Variants in UBA2 observed in about 807,000 individuals in gnomAD.
The protein encoded by UBA2 is ubiquitin like modifier activating enzyme 2.
A neutral mutation model predicts 77.2 loss-of-function variants in UBA2; 11 were observed. The observed-to-expected ratio is 0.14, with a 90% CI of 0.09 to 0.24. UBA2 has a LOEUF of 0.24. Among genes scored for constraint, UBA2 ranks in the 10% least tolerant of loss-of-function variants. The probability of loss-of-function intolerance (pLI) is 1.00; values close to 1 mark genes in which losing one functional copy is unlikely to be tolerated. For synonymous variants in UBA2, 278 were observed against 276.7 expected, an observed-to-expected ratio of 1.00 and a Z score of -0.05; for missense variants, 487 against 781.7, an observed-to-expected ratio of 0.62 and a Z score of 4.50.
At chr19:34,458,610 G>T in intron 12 of UBA2, 159 bp from the exon 13 acceptor site, 1 of 372,686 alleles carries the variant, frequency 2.7e-6, no homozygotes, top group Non-Finnish European at 4.8e-6. Context: ...GAAAAACCAG[G>T]TTCCTAAAAA....
rs1191303451 is a variant in UBA2, at chr19:34,443,902, G to A, written c.640G>A (p.Glu214Lys). ...AGTATCTCCTGACAGAGCTGACCCTGAAGCTGCCTGTGAGTAAATTATTTG... is the reference window on the plus strand; with the variant it reads ...AGTATCTCCTGACAGAGCTGACCCTAAAGCTGCCTGTGAGTAAATTATTTG... ...QEVSPDRADPEAAWEPTEAEA... is the reference protein window; with the variant it reads ...QEVSPDRADPKAAWEPTEAEA... The change falls in exon 7 of 17, where the codon GAA (glutamate) becomes AAA (lysine). Residue 214 changes from glutamate (E) to lysine (K), a missense_variant. By Grantham distance (56) the Glu-to-Lys change is moderately conservative. Coordinates refer to ENST00000246548, the MANE Select transcript of UBA2 (RefSeq NM_005499.3). 1 of 1,605,578 alleles carries A rather than the reference G, an allele frequency of 6.2e-7. No homozygotes were observed.
intron 8 of UBA2, among the ~76,000 whole-genome samples, chr19:34,445,405 T>TAA (rs2075417499): frequency 6.6e-6 from 1 of 151,796 alleles, no homozygotes; most frequent in Non-Finnish European, 1.5e-5. Context: ...TTACAGAACT[T>TAA]CTTCGTTTTC....
intron 6 of UBA2, among the ~76,000 whole-genome samples, chr19:34,443,082 A>G (rs1568372633): frequency 6.6e-6 from 1 of 152,252 alleles, no homozygotes; most frequent in Non-Finnish European, 1.5e-5. Flanking sequence ...CACTCTGTTC[A>G]GCAGTAAAGA....
intron 15 of UBA2, among the ~76,000 whole-genome samples, chr19:34,464,584 TAAAAG>T (rs1392521666): frequency 1.3e-5 from 2 of 148,240 alleles, no homozygotes; most frequent in East Asian, 2.0e-4. Flanking sequence ...AAACCAGAAA[TAAAAG>T]AAATAAGCAA....
rs111383493 is a variant in UBA2, at chr19:34,444,492, A to G, written c.650-508A>G. Among the ~76,000 whole-genome samples, 1,223 of 152,276 alleles carry G rather than the reference A, an allele frequency of 8.0e-3. 8 individuals carry two copies. Among genetic ancestry groups the G allele is most frequent in the African/African-American group, 0.027 (1,139 of 41,562 alleles). ...TGACTGGTCTGTGCTTTGAACTGTT[A>G]TATGTGTAGCTTTCAGAAACTAAGT... On this transcript the variant is annotated intron_variant, in intron 7 of 16. Coordinates refer to ENST00000246548, the MANE Select transcript of UBA2 (RefSeq NM_005499.3).
intron 5 of UBA2, among the ~76,000 whole-genome samples, chr19:34,436,138 A>T (rs1022774626): frequency 6.6e-6 from 1 of 151,866 alleles, no homozygotes; most frequent in Non-Finnish European, 1.5e-5. Context: ...AAAACCAAAA[A>T]ATTCTGTTGT....
intron 14 of UBA2, among the ~76,000 whole-genome samples, chr19:34,462,802 G>C (rs796691817): frequency 6.6e-6 from 1 of 151,966 alleles, no homozygotes; most frequent in Non-Finnish European, 1.5e-5. Flanking sequence ...CTCATCTCTT[G>C]TAAAAATACA....
At chr19:34,465,724 T>C (rs1568386698) in intron 15 of UBA2, among the ~76,000 whole-genome samples, 1 of 151,892 alleles carries the variant, frequency 6.6e-6, no homozygotes, top group Non-Finnish European at 1.5e-5. Flanking sequence ...GTCAAAGTGG[T>C]CCTGCTTCAG....
intron 9 of UBA2, among the ~76,000 whole-genome samples, chr19:34,451,439 C>T (rs1364374981): frequency 1.3e-5 from 2 of 149,698 alleles, no homozygotes; most frequent in African/African-American, 2.5e-5. Context: ...GGGCCTAATG[C>T]TTATTTATCA....
intron 6 of UBA2, among the ~76,000 whole-genome samples, chr19:34,441,796 C>T (rs553452312): frequency 6.6e-6 from 1 of 152,154 alleles, no homozygotes; most frequent in South Asian, 2.1e-4. Flanking sequence ...TGGCACACGC[C>T]TGTAGTCCCA....
chr19:34,428,890 G>C (rs2075219375), intron 1 of UBA2: 1 of 1,023,176 alleles, frequency 9.8e-7, no homozygotes, highest in African/African-American at 1.7e-5. Flanking sequence ...CAAATTCCCG[G>C]CTGTTAGGAG....
intron 6 of UBA2, among the ~76,000 whole-genome samples, chr19:34,439,323 A>G (rs2075343271): frequency 6.6e-6 from 1 of 152,200 alleles, no homozygotes; most frequent in East Asian, 1.9e-4. Context: ...ACATTTACTT[A>G]CAAATAACCC....
At chr19:34,457,180 AT>A (rs1312407531) in intron 12 of UBA2, among the ~76,000 whole-genome samples, 3,581 of 39,710 alleles carry the variant, frequency 0.09, 68 homozygotes, top group Middle Eastern at 0.13. Flanking sequence ...AAAAAAAAAA[AT>A]ATATATATAT....
intron 5 of UBA2, among the ~76,000 whole-genome samples, chr19:34,438,258 G>A (rs563612297): frequency 1.1e-4 from 17 of 150,386 alleles, no homozygotes; most frequent in African/African-American, 3.6e-4. Context: ...AAATGGCTGC[G>A]AATAATATTT....
intron 12 of UBA2, among the ~76,000 whole-genome samples, chr19:34,456,702 C>T (rs1011888194): frequency 1.3e-5 from 2 of 151,804 alleles, no homozygotes; most frequent in Admixed American, 6.6e-5. Context: ...GGATTACAGG[C>T]GGGTGCCACC....
At chr19:34,435,844 C>T (rs1030307350) in intron 5 of UBA2, among the ~76,000 whole-genome samples, 3 of 143,152 alleles carry the variant, frequency 2.1e-5, no homozygotes, top group Admixed American at 7.0e-5. Flanking sequence ...AAAAGCCAGG[C>T]GTGATGGCTC....
intron 6 of UBA2, among the ~76,000 whole-genome samples, chr19:34,443,517 C>T (rs1206958156): frequency 6.6e-6 from 1 of 150,732 alleles, no homozygotes; most frequent in Non-Finnish European, 1.5e-5. Context: ...TCTCGGCTCA[C>T]TGCAACCTCC....
Position 34,441,876 on chromosome 19 carries a change from A to ATGC in UBA2, c.582-1966_582-1964dup, listed in dbSNP as rs2075373262. ...GCGGAGGTTGAAGTGAATGGAGATC[A>ATGC]TGCTACTGCACTCCAACCTGGGGGA... On this transcript the variant is annotated intron_variant, in intron 6 of 16. Coordinates refer to ENST00000246548, the MANE Select transcript of UBA2 (RefSeq NM_005499.3). Among the ~76,000 whole-genome samples, 4 of 151,008 alleles carry ATGC rather than the reference A, an allele frequency of 2.6e-5. No individual in the cohort carries two copies. In the South Asian group the frequency reaches 8.4e-4, roughly 32 times the overall value.
chr19:34,438,870 A>G (rs1445023386), intron 6 of UBA2, 104 bp downstream of exon 6: 4 of 1,427,556 alleles, frequency 2.8e-6, no homozygotes, highest in East Asian at 2.3e-5. Context: ...ATGTTTAAAT[A>G]TGGTGAAGGG....
Sources: gnomAD v4.1 joint callset for allele counts (sites outside exome capture counted in the v4.1 genomes callset) on GRCh38, gnomAD v4.1.1 for gene constraint, MANE v1.5 for transcripts, NCBI Gene and HGNC (gene_info 2026-07-23, HGNC 2026-07-21) for gene names.